DPH6: variants seen among roughly 807,000 people sequenced by gnomAD.
DPH6 encodes the protein diphthine--ammonia ligase.
A neutral mutation model predicts 38.2 loss-of-function variants in DPH6; 33 were observed. The ratio of observed to expected loss-of-function variants is 0.86; its 90% CI spans 0.65 to 1.15. The LOEUF is 1.15. Ranked by LOEUF, DPH6 falls within the 50% of genes most tolerant of loss-of-function variation. The probability of loss-of-function intolerance (pLI) is 0.00; values close to 1 mark genes in which losing one functional copy is unlikely to be tolerated. For missense variants in DPH6, 325 were observed against 320.0 expected, an observed-to-expected ratio of 1.02 and a Z score of -0.12; for synonymous variants, 108 against 103.0, an observed-to-expected ratio of 1.05 and a Z score of -0.30.
the DPH6 span, among the ~76,000 whole-genome samples, chr15:35,203,079 T>C: frequency 6.6e-6 from 1 of 151,794 alleles, no homozygotes; most frequent in African/African-American, 2.4e-5. Context: ...CAAATAAATA[T>C]AATTTTTGTT....
rs554015134 is a variant in DPH6 at position 35,244,275 on chromosome 15, T to C, written n.201-23693A>G. Among the ~76,000 whole-genome samples, 5 of 152,326 alleles carry C rather than the reference T, an allele frequency of 3.3e-5. No individual in the cohort carries two copies. In the East Asian group the frequency reaches 9.7e-4, roughly 29 times the overall value. On this transcript the variant is annotated intron_variant and non_coding_transcript_variant, in intron 3 of 3. Coordinates refer to the DPH6 transcript ENST00000560386. ...GGCATTTTGCCCCCTTTCCACTTTT[T>C]CCTCCCCTCTGGGAACTGGAAGAGT...
intron 5 of DPH6, among the ~76,000 whole-genome samples, chr15:35,412,350 G>A (rs1334014458): frequency 6.6e-6 from 1 of 151,572 alleles, no homozygotes; most frequent in Non-Finnish European, 1.5e-5. Flanking sequence ...ACCAAAAGCT[G>A]GCAAGGATGT....
intron 6 of DPH6, among the ~76,000 whole-genome samples, chr15:35,399,461 T>C (rs2053189217): frequency 6.6e-6 from 1 of 151,940 alleles, no homozygotes; most frequent in African/African-American, 2.4e-5. Context: ...AAAAGCAAAG[T>C]CAGAGGGGAG....
intron 3 of DPH6, among the ~76,000 whole-genome samples, chr15:35,336,656 GA>G (rs1263030837): frequency 2.0e-5 from 3 of 152,168 alleles, no homozygotes; most frequent in Non-Finnish European, 4.4e-5. Flanking sequence ...TTAGCATGAA[GA>G]GTTGTTGAAT....
chr15:35,221,181 G>A (rs1332355908), intron 3 of DPH6, among the ~76,000 whole-genome samples: 2 of 152,196 alleles, frequency 1.3e-5, no homozygotes, highest in East Asian at 3.9e-4. Context: ...GGTAGGCGTT[G>A]GGCCCCCTAG....
At chr15:35,383,748 T>C (rs938146608) in intron 6 of DPH6, among the ~76,000 whole-genome samples, 1 of 152,208 alleles carries the variant, frequency 6.6e-6, no homozygotes, top group African/African-American at 2.4e-5. Flanking sequence ...CTCTAAATTC[T>C]ACAAGCTTCA....
intron 3 of DPH6, among the ~76,000 whole-genome samples, chr15:35,514,983 T>G (rs928262268): frequency 6.6e-6 from 1 of 152,154 alleles, no homozygotes; most frequent in Admixed American, 6.5e-5. Flanking sequence ...TCATCAAAAA[T>G]AATTATGACT....
chr15:35,215,807 A>T (rs186806633), downstream of DPH6, among the ~76,000 whole-genome samples: 8 of 152,336 alleles, frequency 5.3e-5, no homozygotes, highest in Admixed American at 3.9e-4. Context: ...TATTTTAACG[A>T]CAAGTGCACT....
chr15:35,389,592 G>C (rs2140955069), intron 6 of DPH6, among the ~76,000 whole-genome samples: 1 of 152,328 alleles, frequency 6.6e-6, no homozygotes, highest in Non-Finnish European at 1.5e-5. Context: ...TTACCATTCT[G>C]TAATGGCCTT....
intron 4 of DPH6, among the ~76,000 whole-genome samples, chr15:35,451,748 C>A (rs572974424): frequency 6.6e-6 from 1 of 152,166 alleles, no homozygotes; most frequent in South Asian, 2.1e-4. Context: ...CGGTGACTCA[C>A]GACTGTAATG....
chr15:35,463,014 T>C (rs1289625090), intron 3 of DPH6, among the ~76,000 whole-genome samples: 2 of 152,126 alleles, frequency 1.3e-5, no homozygotes, highest in Admixed American at 1.3e-4. Flanking sequence ...ACACCAGTAG[T>C]AAAAATGAGG....
chr15:35,522,943 T>C (rs1595440970), intron 3 of DPH6, among the ~76,000 whole-genome samples: 3 of 152,258 alleles, frequency 2.0e-5, no homozygotes, highest in South Asian at 2.1e-4. Context: ...TCATTTTTAA[T>C]GCTATACAGC....
At chr15:35,171,291 C>T in the DPH6 span, among the ~76,000 whole-genome samples, 17 of 152,338 alleles carry the variant, frequency 1.1e-4, no homozygotes, top group Admixed American at 3.3e-4. Flanking sequence ...CATCAGGATA[C>T]GACCTGTGCC....
At chr15:35,159,540 T>TA in the DPH6 span, among the ~76,000 whole-genome samples, 4 of 149,624 alleles carry the variant, frequency 2.7e-5, no homozygotes, top group East Asian at 7.7e-4. Context: ...TAGCTTCTAT[T>TA]AAAAAATTAA....
intron 3 of DPH6, among the ~76,000 whole-genome samples, chr15:35,533,647 ATTG>A (rs534709186): frequency 5.3e-5 from 8 of 151,276 alleles, no homozygotes; most frequent in Non-Finnish European, 8.9e-5. Flanking sequence ...ATAAAAAATA[ATTG>A]TTGTTATTTT....
chr15:35,213,327 A>G (rs1471805486), downstream of DPH6, among the ~76,000 whole-genome samples: 1 of 152,270 alleles, frequency 6.6e-6, no homozygotes, highest in Non-Finnish European at 1.5e-5. Context: ...AGATACCGTT[A>G]ACAGTAGTTG....
At position 35,468,901 on chromosome 15, in the gene DPH6, C is replaced by T. The variant is rs571230654; in HGVS notation, c.313-14081G>A. On this transcript the variant is annotated intron_variant, in intron 3 of 8. Transcript: ENST00000256538. ...TGGCCAACATGGTGAAACCCTGTCT[C>T]TACTAAAAGTACGAAAATTAGCTGG... Among the ~76,000 whole-genome samples, 9 of 152,238 alleles carry T rather than the reference C, an allele frequency of 5.9e-5. No individual in the cohort carries two copies. In the East Asian group the frequency reaches 1.4e-3, roughly 23 times the overall value.
chr15:35,392,128 A>G (rs1040565838), intron 6 of DPH6, among the ~76,000 whole-genome samples: 3 of 152,218 alleles, frequency 2.0e-5, no homozygotes, highest in Admixed American at 6.5e-5. Context: ...CATGGTTTGT[A>G]AGAATGCCTT....
chr15:35,501,544 T>G (rs1266947397), intron 3 of DPH6, among the ~76,000 whole-genome samples: 1 of 152,158 alleles, frequency 6.6e-6, no homozygotes, highest in Non-Finnish European at 1.5e-5. Flanking sequence ...ACAAAGAACT[T>G]AAAGAAAAAT....
Sources: gnomAD v4.1 joint callset for allele counts (sites outside exome capture counted in the v4.1 genomes callset) on GRCh38, gnomAD v4.1.1 for gene constraint, MANE v1.5 for transcripts, NCBI Gene and HGNC (gene_info 2026-07-23, HGNC 2026-07-21) for gene names.